ZBED1: variants seen among roughly 807,000 people sequenced by gnomAD.
ZBED1 encodes zinc finger BED-type containing 1, also known as E3 SUMO-protein ligase ZBED1.
A neutral mutation model predicts 49.7 loss-of-function variants in ZBED1; 19 were observed. The ratio of observed to expected loss-of-function variants is 0.38; its 90% confidence interval spans 0.27 to 0.56. The LOEUF (loss-of-function observed/expected upper bound fraction) is 0.56. ZBED1 is among the 20% of genes least tolerant of loss of function. ZBED1 has a pLI of 0.70. For missense variants in ZBED1, 806 were observed against 972.6 expected (o/e 0.83, Z 2.28); for synonymous variants, 439 against 440.3 (o/e 1.00, Z 0.04).
At position 2,489,531 on chromosome X, in the gene ZBED1, G is replaced by A; in HGVS notation, c.1189C>T (p.Leu397=). ...TTGAAGGGCTGCAGGAGCTCCACCAGCCCCTCGATGGTGGCCCACTCGCTG... is the reference window on the plus strand; with the variant it reads ...TTGAAGGGCTGCAGGAGCTCCACCAACCCCTCGATGGTGGCCCACTCGCTG... ...EASEWATIEG[L]VELLQPFKQV... The change falls in exon 2 of 2, where the codon CTG becomes TTG. Residue 397 remains leucine, a synonymous_variant. Transcript: ENST00000652001. 1 of 1,612,970 alleles carries A rather than the reference G, an allele frequency of 6.2e-7. No homozygotes were observed. Among genetic ancestry groups the A allele is most frequent in the Non-Finnish European group, 8.5e-7 (1 of 1,179,846 alleles).
At chrX:2,500,654 G>GCCCCCCCCCCCCCCCCCC (rs546772121) in intron 1 of ZBED1, 163 bp downstream of exon 1, 3 of 126,684 alleles carry the variant, frequency 2.4e-5, no homozygotes, top group South Asian at 2.5e-4. Context: ...CGCGCACGCC[G>GCCCCCCCCCCCCCCCCCC]CCCCCCCCCC....
In ZBED1 at chrX:2,488,280, G is replaced by A. The variant is rs185447406; in HGVS notation, c.*355C>T. ...CAACCTCCACCTCCCAGGTTCAAGCGATTCTCTGGCCTCAGCCTCCAGAAG... is the reference window on the plus strand; with the variant it reads ...CAACCTCCACCTCCCAGGTTCAAGCAATTCTCTGGCCTCAGCCTCCAGAAG... On this transcript the variant is annotated 3_prime_UTR_variant, in exon 2 of 2. Transcript: ENST00000652001. 1.5e-4 allele frequency: 35 copies of A among 238,822 alleles called. No individual in the cohort carries two copies. Among genetic ancestry groups the A allele is most frequent in the African/African-American group, 7.4e-4 (33 of 44,616 alleles). The allele number at this position is 238,822 out of a possible 1,614,324, so 14.8% of individuals were successfully genotyped here. A position where few individuals can be genotyped will look rare whatever the true frequency, so the allele number is the denominator to read the frequency against.
intron 1 of ZBED1, among the ~76,000 whole-genome samples, chrX:2,498,313 T>C (rs2045329834): frequency 6.6e-6 from 1 of 152,154 alleles, no homozygotes; most frequent in Admixed American, 6.6e-5. Flanking sequence ...TTAGCTCAAA[T>C]GCCCTGGACA....
In ZBED1 at chrX:2,489,856, C is replaced by T. The variant is rs2045078033; in HGVS notation, c.864G>A (p.Met288Ile). 3 of 1,613,632 alleles carry T rather than the reference C, an allele frequency of 1.9e-6. No homozygotes were observed. Among genetic ancestry groups the T allele is most frequent in the Non-Finnish European group, 2.5e-6 (3 of 1,179,884 alleles). Residue 288 changes from methionine to isoleucine, a missense_variant, in exon 2 of 2, where the codon ATG becomes ATA. Coordinates refer to ENST00000652001, the MANE Select transcript of ZBED1 (RefSeq NM_001171136.2). The stretch of plus-strand genomic sequence containing the variant: ...CATTGAAGGTGTGGCCCAGGCAGGG[C>T]ATGTGCACTGCGACGTCCAGCAGGG... ...ACSLLDVAVH[M>I]PCLGHTFNAG...
At chrX:2,497,724 T>C (rs949731493) in intron 1 of ZBED1, among the ~76,000 whole-genome samples, 2 of 152,210 alleles carry the variant, frequency 1.3e-5, no homozygotes, top group African/African-American at 4.8e-5. Flanking sequence ...ACAGGTACCA[T>C]CAATTTTCTC....
rs781080319 is a variant in ZBED1, at chrX:2,490,527, A to G, written c.193T>C (p.Tyr65His). The G allele has an allele frequency of 6.2e-7, 1 of 1,613,972 alleles. No homozygotes were observed. The highest frequency in any genetic ancestry group is 8.5e-7 in the Non-Finnish European group (1 of 1,179,854). Reference sequence around the variant, plus strand: ...TCGGGGTGGTTCTTCTCCAGGTGGTAGGACAGGTTGGAGGTGTTTCCGGAG... The same window carrying G: ...TCGGGGTGGTTCTTCTCCAGGTGGTGGGACAGGTTGGAGGTGTTTCCGGAG... ...AYSGNTSNLS[Y>H]HLEKNHPEEF... The change falls in exon 2 of 2, where the codon TAC (tyrosine) becomes CAC (histidine). Residue 65 changes from tyrosine to histidine, a missense_variant. Transcript: ENST00000652001.
Position 2,488,968 on chromosome X carries a change from G to T in ZBED1, c.1752C>A (p.Asn584Lys). 1 of 1,597,602 alleles carries T rather than the reference G, an allele frequency of 6.3e-7. No homozygotes were observed. Among genetic ancestry groups the T allele is most frequent in the Non-Finnish European group, 8.5e-7 (1 of 1,170,362 alleles). Residue 584 changes from asparagine to lysine, a missense_variant, in exon 2 of 2, where the codon AAC becomes AAA. Coordinates refer to ENST00000652001, the MANE Select transcript of ZBED1 (RefSeq NM_001171136.2). Reference protein sequence around the residue: ...NFKSQKVLGLNEDPLKWWSDR... With the variant: ...NFKSQKVLGLKEDPLKWWSDR... ...CTGACCACCACTTGAGGGGGTCTTC[G>T]TTGAGGCCAAGCACCTTCTGGGACT...
At chrX:2,498,305 A>G (rs1313040941) in intron 1 of ZBED1, among the ~76,000 whole-genome samples, 2 of 152,240 alleles carry the variant, frequency 1.3e-5, no homozygotes, top group Non-Finnish European at 2.9e-5. Flanking sequence ...CAAACAGCTT[A>G]GCTCAAATGC....
chrX:2,499,860 CAT>C (rs1308159545), intron 1 of ZBED1, among the ~76,000 whole-genome samples: 3 of 152,116 alleles, frequency 2.0e-5, no homozygotes, highest in Non-Finnish European at 4.4e-5. Context: ...GCCTGAGCAA[CAT>C]AGCAAGACCC....
At position 2,487,016 on chromosome X, in the gene ZBED1, T is replaced by C. The variant is rs1442746004; in HGVS notation, c.*1619A>G. The stretch of plus-strand genomic sequence containing the variant: ...TAGACACCGTTCTCCCCAGCCCAGC[T>C]TGTCTTCACGGAGGCAGAGAACCCG... On this transcript the variant is annotated 3_prime_UTR_variant, in exon 2 of 2. Coordinates refer to ENST00000652001, the MANE Select transcript of ZBED1 (RefSeq NM_001171136.2). The C allele has an allele frequency of 6.6e-6, 1 of 152,192 alleles. No individual in the cohort carries two copies. The highest frequency in any genetic ancestry group is 2.4e-5 in the African/African-American group (1 of 41,432). 9.4% of individuals were successfully genotyped at this position (152,192 alleles called of 1,614,324 possible).
intron 1 of ZBED1, among the ~76,000 whole-genome samples, chrX:2,493,300 G>A (rs2045204001): frequency 6.6e-6 from 1 of 152,146 alleles, no homozygotes; most frequent in African/African-American, 2.4e-5. Context: ...ACAGGACACA[G>A]CTGTATCAGA....
chrX:2,496,564 T>C (rs143684952), intron 1 of ZBED1, among the ~76,000 whole-genome samples: 6,488 of 151,996 alleles, frequency 0.043, 172 homozygotes, highest in Middle Eastern at 0.12. Flanking sequence ...TGCACCAGAA[T>C]CTCACAAATC....
Position 2,488,870 on chromosome X carries a change from G to A in ZBED1, c.1850C>T (p.Ala617Val), listed in dbSNP as rs1417362223. The change falls in exon 2 of 2, where the codon GCC becomes GTC. Residue 617 changes from alanine (A) to valine (V), a missense_variant. Physicochemically the swap from Ala to Val is moderately conservative, Grantham distance 64 (BLOSUM62 0). This residue lies in a region of ZBED1 where 749 missense variants were observed against 861.3 expected (regional missense o/e 0.87). Transcript: ENST00000652001. Reference sequence around the variant, plus strand: ...GGCGGATCCGAAGAGACGCTCAGGGGCGACGCGCGTGGCCGTCACGCACCA... The same window carrying A: ...GGCGGATCCGAAGAGACGCTCAGGGACGACGCGCGTGGCCGTCACGCACCA... ...KYWCVTATRV[A>V]PERLFGSAAN... 3 of 1,612,956 alleles carry A rather than the reference G, an allele frequency of 1.9e-6. No individual in the cohort carries two copies. The highest frequency in any genetic ancestry group is 2.2e-5 in the East Asian group (1 of 44,882).
At chrX:2,491,138 C>T (rs1466870593) in intron 1 of ZBED1, among the ~76,000 whole-genome samples, 1 of 145,308 alleles carries the variant, frequency 6.9e-6, no homozygotes, top group Non-Finnish European at 1.5e-5. Flanking sequence ...GGCGTGATCT[C>T]AGCTCACTGC....
intron 1 of ZBED1, among the ~76,000 whole-genome samples, chrX:2,492,267 A>G (rs2045170734): frequency 6.6e-6 from 1 of 152,076 alleles, no homozygotes; most frequent in South Asian, 2.1e-4. Context: ...TCCTAAATGC[A>G]GTGACCAGTG....
intron 1 of ZBED1, among the ~76,000 whole-genome samples, chrX:2,495,889 G>A (rs1336952150): frequency 6.6e-6 from 1 of 152,054 alleles, no homozygotes; most frequent in Non-Finnish European, 1.5e-5. Context: ...ACTCTTACCA[G>A]AACGACACGT....
Position 2,490,778 on chromosome X carries a change from AAG to A in ZBED1, c.-53-8_-53-7del. ...TGCTCATGCGTGGGGACCTGCTGAG[AAG>A]GGCCAAGACAAACACAGCATGAGAA... On this transcript the variant is annotated splice_polypyrimidine_tract_variant and splice_region_variant and intron_variant, in intron 1 of 1. Transcript: ENST00000652001. 1.3e-6 allele frequency: 2 copies of A among 1,569,694 alleles called. No individual in the cohort carries two copies.
Position 2,490,105 on chromosome X carries a change from A to G in ZBED1, c.615T>C (p.Asn205=), listed in dbSNP as rs776146657. ...GISTDMWRSE[N]QNRAYVTLAA... The stretch of plus-strand genomic sequence containing the variant: ...CCAGCGTGACGTAGGCGCGGTTCTG[A>G]TTCTCACTCCTCCACATGTCGGTGG... Residue 205 remains asparagine, a synonymous_variant, in exon 2 of 2, where the codon AAT becomes AAC. Transcript: ENST00000652001. 6.2e-7 allele frequency: 1 copy of G among 1,613,770 alleles called. No homozygotes were observed. The highest frequency in any genetic ancestry group is 1.7e-5 in the Admixed American group (1 of 60,014).
chrX:2,500,252 A>G (rs1438074936), intron 1 of ZBED1: 1 of 158,142 alleles, frequency 6.3e-6, no homozygotes, highest in African/African-American at 2.4e-5. Flanking sequence ...AGTGCCCGAG[A>G]AGCCGCCTCT....
Sources: allele counts gnomAD v4.1 joint callset (sites outside exome capture counted in the v4.1 genomes callset), GRCh38; gene constraint gnomAD v4.1.1; regional missense constraint gnomAD v4.1.1; transcripts MANE v1.5; gene names NCBI Gene and HGNC (gene_info 2026-07-23, HGNC 2026-07-21).